WNT4: variants seen among roughly 807,000 people sequenced by gnomAD.
WNT4 encodes the protein Wnt family member 4, also known as protein Wnt-4.
In WNT4, 16 loss-of-function variants were observed where a neutral mutation model predicts 34.5. The ratio of observed to expected loss-of-function variants is 0.46; its 90% CI spans 0.31 to 0.70. The LOEUF (loss-of-function observed/expected upper bound fraction) is 0.70, where lower values mean the gene tolerates loss of function less well. Ranked by LOEUF, WNT4 falls within the 30% of genes least tolerant of loss-of-function variation. The pLI, the probability that WNT4 is intolerant of heterozygous loss-of-function variation, is 0.04. For synonymous variants in WNT4, 200 were observed against 211.9 expected (o/e 0.94, Z 0.49); for missense variants, 379 against 495.9 (o/e 0.76, Z 2.24).
chr1:22,132,822 G>A (rs554457896), intron 1 of WNT4, among the ~76,000 whole-genome samples: 27 of 152,142 alleles, frequency 1.8e-4, no homozygotes, highest in African/African-American at 4.3e-4. Flanking sequence ...GTCCCCTTCC[G>A]TACACACGAG....
chr1:22,131,652 C>T (rs1205927358), intron 1 of WNT4, among the ~76,000 whole-genome samples: 3 of 152,134 alleles, frequency 2.0e-5, no homozygotes, highest in African/African-American at 4.8e-5. Flanking sequence ...GAGGAATGCC[C>T]GTGATTTGCT....
chr1:22,120,662 C>T (rs1411315715), intron 4 of WNT4, 145 bp from the exon 5 acceptor site: 4 of 789,496 alleles, frequency 5.1e-6, no homozygotes, highest in Non-Finnish European at 8.2e-6. Flanking sequence ...TTAGGAATTA[C>T]GCGGTACTGG....
At position 22,137,525 on chromosome 1, in the gene WNT4, A is replaced by AG. The variant is rs1278579984; in HGVS notation, c.77+5320dup. ...TCTTCCCAGAGGCAGGAACAAGAGG[A>AG]GGAGGCTTGGTGCAAATGCTCAGCT... On this transcript the variant is annotated intron_variant, in intron 1 of 4. Coordinates refer to ENST00000290167, the MANE Select transcript of WNT4 (RefSeq NM_030761.5). This position sits in a 1 kb window ranked among gnomAD's most constrained non-coding sequence, Gnocchi z 5.3. 2.0e-5 allele frequency among the ~76,000 whole-genome samples: 3 copies of AG among 152,226 alleles called. No individual in the cohort carries two copies. The highest frequency in any genetic ancestry group is 4.4e-5 in the Non-Finnish European group (3 of 68,046).
At chr1:22,121,104 T>A in intron 4 of WNT4, 107 bp downstream of exon 4, 1 of 1,546,232 alleles carries the variant, frequency 6.5e-7, no homozygotes. Flanking sequence ...CAGGTGCTGG[T>A]GAGAGCCTGC....
rs908458574 is a variant in WNT4 at position 22,119,536 on chromosome 1, T to G, written c.*514A>C. On this transcript the variant is annotated 3_prime_UTR_variant, in exon 5 of 5. Transcript: ENST00000290167. ...ACCTGGTATCTGCTTGTTCCCTTTC[T>G]CAGGGCATTTGAGAGACATGGCTTC... The G allele has an allele frequency of 5.6e-6, 1 of 179,608 alleles. No individual in the cohort carries two copies. The highest frequency in any genetic ancestry group is 5.4e-5 in the Admixed American group (1 of 18,664). The allele number at this position is 179,608 out of a possible 1,614,324, so 11.1% of individuals were successfully genotyped here. A position where few individuals can be genotyped will look rare whatever the true frequency, so the allele number is the denominator to read the frequency against.
chr1:22,121,129 A>G (rs1156657828), intron 4 of WNT4, 82 bp downstream of exon 4: 2 of 1,554,268 alleles, frequency 1.3e-6, no homozygotes, highest in African/African-American at 1.6e-5. Context: ...ATGTTTTCTG[A>G]GTGGCCGTGT....
chr1:22,121,984 G>GTTCCA (rs1645903264), intron 2 of WNT4, among the ~76,000 whole-genome samples: 1 of 152,182 alleles, frequency 6.6e-6, no homozygotes, highest in Non-Finnish European at 1.5e-5. Flanking sequence ...GAAGGTTTAT[G>GTTCCA]GAAGACCAGA....
intron 2 of WNT4, among the ~76,000 whole-genome samples, chr1:22,126,405 G>A (rs948175487): frequency 1.3e-5 from 2 of 152,206 alleles, no homozygotes; most frequent in Non-Finnish European, 2.9e-5. Flanking sequence ...CTTAGAGAGG[G>A]CACGGACCTT....
chr1:22,127,565 G>T, intron 2 of WNT4: 2 of 455,858 alleles, frequency 4.4e-6, no homozygotes, highest in Non-Finnish European at 9.2e-6. Flanking sequence ...GTCGGGTGAG[G>T]AGATACGCAT....
chr1:22,123,790 A>C (rs1192184639), intron 2 of WNT4, among the ~76,000 whole-genome samples: 1 of 151,994 alleles, frequency 6.6e-6, no homozygotes, highest in African/African-American at 2.4e-5. Context: ...AGTTGATTCC[A>C]CCTCCCACAT....
chr1:22,131,260 A>T (rs553032749), intron 1 of WNT4, among the ~76,000 whole-genome samples: 2 of 152,332 alleles, frequency 1.3e-5, no homozygotes, highest in Non-Finnish European at 2.9e-5. Flanking sequence ...GGCGGCAGCT[A>T]AATTTTATTT....
chr1:22,121,566 C>T lies in WNT4; in HGVS notation c.324G>A (p.Glu108=). Residue 108 remains glutamate (E), a synonymous_variant, in exon 3 of 5, where the codon GAG becomes GAA. Coordinates refer to ENST00000290167, the MANE Select transcript of WNT4 (RefSeq NM_030761.5). Reference sequence around the variant, plus strand: ...AAGAGATGGCGTACACGAAGGCCGCCTCCCGAGTCCCTGTGGGAGGCAGAG... The same window carrying T: ...AAGAGATGGCGTACACGAAGGCCGCTTCCCGAGTCCCTGTGGGAGGCAGAG... The part of the protein sequence containing the change: ...FGKVVTQGTR[E]AAFVYAISSA... 2 of 1,613,384 alleles carry T rather than the reference C, an allele frequency of 1.2e-6. No homozygotes were observed. The highest frequency in any genetic ancestry group is 1.7e-6 in the Non-Finnish European group (2 of 1,180,008).
At chr1:22,133,305 G>A (rs1645997554) in intron 1 of WNT4, among the ~76,000 whole-genome samples, 1 of 152,146 alleles carries the variant, frequency 6.6e-6, no homozygotes, top group Admixed American at 6.5e-5. Context: ...CTCAGGATGG[G>A]GAAGATAAGG....
At chr1:22,138,930 G>A (rs2124135213) in intron 1 of WNT4, among the ~76,000 whole-genome samples, 1 of 152,286 alleles carries the variant, frequency 6.6e-6, no homozygotes, top group South Asian at 2.1e-4. Flanking sequence ...ACACCAGTGG[G>A]GACTCAAAGC....
chr1:22,125,472 C>T (rs760912525), intron 2 of WNT4, among the ~76,000 whole-genome samples: 1 of 152,120 alleles, frequency 6.6e-6, no homozygotes, highest in Non-Finnish European at 1.5e-5. Flanking sequence ...TAGTGAGGGA[C>T]GCCCAAGACC....
chr1:22,136,274 G>A (rs1371424715), intron 1 of WNT4, among the ~76,000 whole-genome samples: 1 of 152,142 alleles, frequency 6.6e-6, no homozygotes, highest in Non-Finnish European at 1.5e-5. Context: ...ACCTCACCTT[G>A]TCCCCCAATT....
At chr1:22,129,462 C>T (rs1645965638) in intron 2 of WNT4, among the ~76,000 whole-genome samples, 154 bp downstream of exon 2, 2 of 152,238 alleles carry the variant, frequency 1.3e-5, no homozygotes, top group African/African-American at 4.8e-5. Flanking sequence ...GCCCCCAACG[C>T]TCTGCATCCT....
chr1:22,136,593 C>A lies in WNT4; in HGVS notation c.77+6253G>T, dbSNP rs142910297. Among the ~76,000 whole-genome samples, 3 of 152,292 alleles carry A rather than the reference C, an allele frequency of 2.0e-5. No homozygotes were observed. The East Asian group carries it at 5.8e-4, about 30-fold the overall frequency. Reference sequence around the variant, plus strand: ...CCCACCAGGGTGGGGCTCATCCCCCCAGCAGAGAATAACTGGCTGGGGGTA... The same window carrying A: ...CCCACCAGGGTGGGGCTCATCCCCCAAGCAGAGAATAACTGGCTGGGGGTA... On this transcript the variant is annotated intron_variant, in intron 1 of 4. Transcript: ENST00000290167.
At chr1:22,129,523 A>G in intron 2 of WNT4, 93 bp downstream of exon 2, 3 of 1,401,492 alleles carry the variant, frequency 2.1e-6, no homozygotes, top group Non-Finnish European at 2.9e-6. Context: ...AATGACCTGC[A>G]ATAGTCCCGT....
Sources: allele counts gnomAD v4.1 joint callset (sites outside exome capture counted in the v4.1 genomes callset), GRCh38; gene constraint gnomAD v4.1.1; non-coding constraint Gnocchi (gnomAD v3.1); transcripts MANE v1.5; gene names NCBI Gene and HGNC (gene_info 2026-07-23, HGNC 2026-07-21).